MALAT1: variants seen among roughly 807,000 people sequenced by gnomAD.
MALAT1 encodes the protein metastasis associated lung adenocarcinoma transcript 1.
At chr11:65,501,506 A>AT in exon 3 of MALAT1, 1 of 518,234 alleles carries the variant, frequency 1.9e-6, no homozygotes, top group South Asian at 1.4e-5. Context: ...TAAACTTGTT[A>AT]TTTTTTACTT....
exon 3 of MALAT1, chr11:65,500,668 T>G (rs747829843): frequency 1.3e-5 from 7 of 518,834 alleles, no homozygotes; most frequent in African/African-American, 1.3e-4. Flanking sequence ...GCGGCTTGGC[T>G]TGGCAACCAC....
At chr11:65,498,615 G>T (rs752426166) in intron 1 of MALAT1, 2 of 518,624 alleles carry the variant, frequency 3.9e-6, no homozygotes, top group African/African-American at 1.9e-5. Context: ...TCCCTGCAAG[G>T]CTGGGGCTCA....
At chr11:65,501,254 T>G (rs763920217) in exon 3 of MALAT1, 1 of 515,598 alleles carries the variant, frequency 1.9e-6, no homozygotes, top group Non-Finnish European at 3.9e-6. Flanking sequence ...GGGCAAAATA[T>G]GTTTTCAGTT....
exon 3 of MALAT1, chr11:65,499,249 A>G (rs375644009): frequency 7.8e-6 from 4 of 511,834 alleles, no homozygotes; most frequent in East Asian, 1.1e-4. Flanking sequence ...AAATATGAAG[A>G]CTTAGAAGAG....
exon 3 of MALAT1, chr11:65,502,703 A>C: frequency 2.0e-6 from 1 of 509,340 alleles, no homozygotes; most frequent in Non-Finnish European, 3.9e-6. Context: ...GATGCAGAGA[A>C]AACAGCTCCT....
intron 3 of MALAT1, chr11:65,506,076 C>T: frequency 2.4e-6 from 1 of 412,688 alleles, no homozygotes; most frequent in Non-Finnish European, 4.7e-6. Context: ...TCAGGTTTTG[C>T]TTTTTGGCCT....
At chr11:65,500,303 CAA>C (rs747840013) in exon 3 of MALAT1, 6 of 518,872 alleles carry the variant, frequency 1.2e-5, no homozygotes, top group Admixed American at 5.8e-5. Flanking sequence ...AATTCAAGAT[CAA>C]GAGTAATTAC....
exon 3 of MALAT1, chr11:65,501,674 G>T (rs1314864080): frequency 5.8e-6 from 3 of 518,912 alleles, no homozygotes; most frequent in Non-Finnish European, 1.2e-5. Flanking sequence ...AGGGACTGGA[G>T]CTGCTTTTAT....
chr11:65,504,396 T>C (rs1213632432), intron 3 of MALAT1: 1 of 518,752 alleles, frequency 1.9e-6, no homozygotes, highest in Non-Finnish European at 3.8e-6. Context: ...GCAGTACTGT[T>C]CTGATCCCGC....
exon 3 of MALAT1, chr11:65,502,908 CA>C: frequency 2.0e-6 from 1 of 491,556 alleles, no homozygotes; most frequent in Non-Finnish European, 4.1e-6. Flanking sequence ...GCTATAACCA[CA>C]AAAATAATGA....
exon 3 of MALAT1, chr11:65,500,703 G>C (rs575253490): frequency 1.9e-6 from 1 of 519,026 alleles, no homozygotes; most frequent in East Asian, 5.4e-5. Flanking sequence ...CAGGCGTTGT[G>C]CGTAGAGGAT....
At chr11:65,504,783 C>T (rs1194742075) in intron 3 of MALAT1, 3 of 518,848 alleles carry the variant, frequency 5.8e-6, no homozygotes, top group African/African-American at 1.9e-5. Flanking sequence ...GTGTGGGTTT[C>T]TCTCTCCCCT....
chr11:65,499,849 GAAGATAGAAAC>G (rs1490910573), exon 3 of MALAT1: 3 of 421,568 alleles, frequency 7.1e-6, no homozygotes, highest in African/African-American at 4.2e-5. Flanking sequence ...AAGAAAATTG[GAAGATAGAAAC>G]AAGATAGAAA....
chr11:65,503,536 A>G (rs552068698), exon 3 of MALAT1: 2 of 518,580 alleles, frequency 3.9e-6, no homozygotes, highest in South Asian at 2.8e-5. Flanking sequence ...TGTTAGAATC[A>G]GATGTTACTG....
chr11:65,501,418 G>C (rs753328678), exon 3 of MALAT1: 1 of 517,318 alleles, frequency 1.9e-6, no homozygotes, highest in East Asian at 5.5e-5. Flanking sequence ...TGGAAGAGAT[G>C]TCCATTGGAG....
exon 3 of MALAT1, chr11:65,501,069 A>G (rs932173649): frequency 1.2e-5 from 6 of 509,714 alleles, no homozygotes; most frequent in African/African-American, 7.8e-5. Context: ...AATTGAGACA[A>G]TTTCAGCAAA....
rs554808023 is a variant in MALAT1, at chr11:65,505,279, G to A, written n.5169-981G>A. The A allele has an allele frequency of 9.6e-6, 5 of 518,810 alleles. No individual in the cohort carries two copies. The Admixed American group carries it at 9.7e-5, about 10-fold the overall frequency. 32.1% of individuals were successfully genotyped at this position (518,810 alleles called of 1,614,324 possible). A position where few individuals can be genotyped will look rare whatever the true frequency, so the allele number is the denominator to read the frequency against. ...GACAACAAAGCGCTATTATCCTAAG[G>A]TCAAGAGAAGTGTCAGCCTCACCTG... On this transcript the variant is annotated intron_variant and non_coding_transcript_variant, in intron 3 of 3. Coordinates refer to ENST00000619449, the Ensembl canonical transcript of MALAT1.
intron 3 of MALAT1, chr11:65,506,167 C>T (rs372626125): frequency 2.3e-4 from 94 of 416,132 alleles, no homozygotes; most frequent in Admixed American, 1.2e-3. Context: ...CAAATCCCTG[C>T]GGCGTCTTTG....
chr11:65,499,986 A>G, exon 3 of MALAT1: 1 of 426,540 alleles, frequency 2.3e-6, no homozygotes, highest in South Asian at 1.7e-5. Context: ...ATAGCACTGA[A>G]AAAATGAGGA....
Sources: gnomAD v4.1 joint callset for allele counts on GRCh38, gnomAD v4.1.1 for gene constraint, MANE v1.5 for transcripts, NCBI Gene and HGNC (gene_info 2026-07-23, HGNC 2026-07-21) for gene names.